The following PPM1B variants were observed in gnomAD, a reference collection of about 807,000 sequenced individuals.
The protein encoded by PPM1B is protein phosphatase 1B.
A neutral mutation model predicts 43.0 loss-of-function variants in PPM1B; 22 were observed. That is an observed-to-expected ratio of 0.51 (90% CI 0.37 to 0.73). The LOEUF is 0.73. Ranked by LOEUF, PPM1B falls within the 30% of genes least tolerant of loss-of-function variation. The probability of loss-of-function intolerance (pLI) is 0.00; values close to 1 mark genes in which losing one functional copy is unlikely to be tolerated. For synonymous variants in PPM1B, 217 were observed against 197.9 expected, an observed-to-expected ratio of 1.10 and a Z score of -0.81; for missense variants, 632 against 584.2, an observed-to-expected ratio of 1.08 and a Z score of -0.84.
At chr2:44,184,160 A>G (rs568890423) in intron 1 of PPM1B, among the ~76,000 whole-genome samples, 1 of 152,228 alleles carries the variant, frequency 6.6e-6, no homozygotes, top group African/African-American at 2.4e-5. Flanking sequence ...TATTGTGAGG[A>G]TTAAATGAGT....
At chr2:44,229,390 G>A (rs1670369687) in intron 5 of PPM1B, among the ~76,000 whole-genome samples, 1 of 152,038 alleles carries the variant, frequency 6.6e-6, no homozygotes, top group Admixed American at 6.6e-5. Context: ...TTGAATCCCA[G>A]TCTAATCAAG....
chr2:44,235,774 C>T (rs185303566), downstream of PPM1B, among the ~76,000 whole-genome samples: 5 of 151,916 alleles, frequency 3.3e-5, no homozygotes, highest in Admixed American at 2.0e-4. Flanking sequence ...TGTCACATGC[C>T]TATAGTCCCA....
rs371243011 is a variant in PPM1B at position 44,221,226 on chromosome 2, T to G, written c.1134+2689T>G. Among the ~76,000 whole-genome samples, 7 of 152,216 alleles carry G rather than the reference T, an allele frequency of 4.6e-5. No individual in the cohort carries two copies. In the East Asian group the frequency reaches 1.2e-3, roughly 25 times the overall value. ...ATAGATATGTGGATTAAAGGAACTTTCCTTGTTTACTGTGAAAACTGACTT... is the reference window on the plus strand; with the variant it reads ...ATAGATATGTGGATTAAAGGAACTTGCCTTGTTTACTGTGAAAACTGACTT... On this transcript the variant is annotated intron_variant, in intron 5 of 5. Transcript: ENST00000282412.
chr2:44,203,589 T>C (rs890514458), intron 2 of PPM1B, among the ~76,000 whole-genome samples: 1 of 152,178 alleles, frequency 6.6e-6, no homozygotes, highest in Non-Finnish European at 1.5e-5. Context: ...TGTTGTGGTG[T>C]ATATTGTTCC....
intron 1 of PPM1B, among the ~76,000 whole-genome samples, chr2:44,178,474 AT>A (rs57257505): frequency 0.51 from 69,500 of 134,954 alleles, 18,612 homozygotes; most frequent in South Asian, 0.62. Context: ...ATATATATAT[AT>A]TTTTTTTTTT....
At chr2:44,176,126 C>A (rs558205024) in intron 1 of PPM1B, among the ~76,000 whole-genome samples, 1 of 152,024 alleles carries the variant, frequency 6.6e-6, no homozygotes, top group Non-Finnish European at 1.5e-5. Context: ...AAAAAGAGAT[C>A]CCTGCATTAG....
intron 5 of PPM1B, among the ~76,000 whole-genome samples, chr2:44,240,080 G>A (rs765519289): frequency 7.6e-6 from 1 of 131,532 alleles, no homozygotes; most frequent in Non-Finnish European, 1.7e-5. Context: ...GCACCATAGC[G>A]CACTGCAGCA....
At chr2:44,192,537 G>A (rs1460790803) in intron 1 of PPM1B, among the ~76,000 whole-genome samples, 1 of 152,092 alleles carries the variant, frequency 6.6e-6, no homozygotes, top group Non-Finnish European at 1.5e-5. Context: ...TTTTTAAAAT[G>A]TTTTCTTTAA....
intron 1 of PPM1B, among the ~76,000 whole-genome samples, chr2:44,195,137 C>A (rs572672497): frequency 1.3e-5 from 2 of 152,056 alleles, no homozygotes; most frequent in South Asian, 4.1e-4. Context: ...AGGTGATCTG[C>A]CCGTCTCGGC....
chr2:44,206,207 A>G (rs554441799), intron 2 of PPM1B, among the ~76,000 whole-genome samples: 14 of 152,328 alleles, frequency 9.2e-5, no homozygotes, highest in African/African-American at 2.4e-4. Context: ...TAATTTCTTT[A>G]GTTATCCAAA....
chr2:44,195,580 T>C (rs895147952), intron 1 of PPM1B, among the ~76,000 whole-genome samples: 4 of 152,070 alleles, frequency 2.6e-5, no homozygotes, highest in Non-Finnish European at 4.4e-5. Flanking sequence ...GCACTTTTGA[T>C]GTGGGAGGAT....
At chr2:44,236,081 G>A (rs1670602672), downstream of PPM1B, among the ~76,000 whole-genome samples, 6 of 151,740 alleles carry the variant, frequency 4.0e-5, no homozygotes, top group South Asian at 1.3e-3. Context: ...TCCACTGGGA[G>A]TTGCATTGTC....
intron 3 of PPM1B, among the ~76,000 whole-genome samples, chr2:44,214,666 A>T (rs1439015028): frequency 6.6e-6 from 1 of 152,184 alleles, no homozygotes; most frequent in African/African-American, 2.4e-5. Flanking sequence ...AACTGACTTG[A>T]TAGCATGGCA....
intron 5 of PPM1B, among the ~76,000 whole-genome samples, chr2:44,225,541 C>G (rs184605014): frequency 1.5e-4 from 23 of 152,302 alleles, no homozygotes; most frequent in Non-Finnish European, 1.0e-4. Flanking sequence ...GATAAAATGA[C>G]TTTTAAGTGT....
chr2:44,199,846 T>C (rs540289815), intron 1 of PPM1B, among the ~76,000 whole-genome samples: 9 of 152,326 alleles, frequency 5.9e-5, no homozygotes, highest in African/African-American at 2.2e-4. Context: ...GGTATGTAAC[T>C]TATAAATATT....
Position 44,175,130 on chromosome 2 carries a change from T to A in PPM1B, c.-15+5856T>A, listed in dbSNP as rs1057082619. Among the ~76,000 whole-genome samples, 3 of 152,172 alleles carry A rather than the reference T, an allele frequency of 2.0e-5. No homozygotes were observed. The East Asian group carries it at 5.8e-4, about 29-fold the overall frequency. On this transcript the variant is annotated intron_variant, in intron 1 of 5. Transcript: ENST00000282412. ...TTAGCTGGGTGTGGCGGCATGTGCC[T>A]GTAATCCTAGCTACTCAGGAGGCTG...
chr2:44,206,857 C>T (rs1440180535), intron 2 of PPM1B, among the ~76,000 whole-genome samples: 1 of 152,148 alleles, frequency 6.6e-6, no homozygotes, highest in African/African-American at 2.4e-5. Context: ...CCATGCCCAG[C>T]TGTTTGATTC....
chr2:44,180,135 C>G (rs933607344), intron 1 of PPM1B, among the ~76,000 whole-genome samples: 1 of 151,728 alleles, frequency 6.6e-6, no homozygotes, highest in East Asian at 1.9e-4. Context: ...GGGGTAGGAA[C>G]AAGGCAATTG....
At chr2:44,244,349 C>G (rs1390635142) in exon 6 of PPM1B, 1 of 1,357,968 alleles carries the variant, frequency 7.4e-7, no homozygotes, top group Admixed American at 1.9e-5. Context: ...TTTTGTAAAC[C>G]CGAACGAAAA....
Sources: gnomAD v4.1 joint callset for allele counts (sites outside exome capture counted in the v4.1 genomes callset) on GRCh38, gnomAD v4.1.1 for gene constraint, MANE v1.5 for transcripts, NCBI Gene and HGNC (gene_info 2026-07-23, HGNC 2026-07-21) for gene names.